Variants in MAGI2 observed in about 807,000 individuals in gnomAD.
The protein encoded by MAGI2 is membrane associated guanylate kinase, WW and PDZ domain containing 2, also known as membrane-associated guanylate kinase, WW and PDZ domain-containing protein 2.
In MAGI2, 35 loss-of-function variants were observed where a neutral mutation model predicts 133.3. The observed-to-expected ratio is 0.26, with a 90% CI of 0.20 to 0.35. MAGI2 has a LOEUF of 0.35. Ranked by LOEUF, MAGI2 falls within the 10% of genes least tolerant of loss-of-function variation. The pLI, the probability that MAGI2 is intolerant of heterozygous loss-of-function variation, is 1.00. For missense variants in MAGI2, 1,636 were observed against 1,863.4 expected, an observed-to-expected ratio of 0.88 and a Z score of 2.25; for synonymous variants, 729 against 710.6, an observed-to-expected ratio of 1.03 and a Z score of -0.41.
At chr7:78,236,081 T>A (rs1455756356) in intron 10 of MAGI2, among the ~76,000 whole-genome samples, 1 of 151,464 alleles carries the variant, frequency 6.6e-6, no homozygotes, top group African/African-American at 2.4e-5. Flanking sequence ...GGATTTACAG[T>A]CATAAAACTA....
At chr7:78,139,042 C>A (rs1352419068) in intron 16 of MAGI2, among the ~76,000 whole-genome samples, 1 of 152,100 alleles carries the variant, frequency 6.6e-6, no homozygotes, top group African/African-American at 2.4e-5. Flanking sequence ...GTTTCAAAGC[C>A]ATTTTAACTT....
intron 12 of MAGI2, among the ~76,000 whole-genome samples, chr7:78,188,628 G>A (rs138254579): frequency 3.0e-3 from 456 of 152,164 alleles, no homozygotes; most frequent in Non-Finnish European, 5.3e-3. Context: ...GAGAACATAC[G>A]TGGGGGGTAC....
intron 2 of MAGI2, among the ~76,000 whole-genome samples, chr7:78,957,233 C>T (rs1365112819): frequency 3.5e-5 from 5 of 142,802 alleles, no homozygotes; most frequent in Non-Finnish European, 6.0e-5. Context: ...CCATTGCACT[C>T]CAGCCTGGGT....
chr7:79,010,467 CAG>C (rs1479655829), intron 1 of MAGI2, among the ~76,000 whole-genome samples: 2 of 152,010 alleles, frequency 1.3e-5, no homozygotes, highest in Non-Finnish European at 2.9e-5. Context: ...CTAAAAAATA[CAG>C]AGTTCTAAAA....
intron 2 of MAGI2, among the ~76,000 whole-genome samples, chr7:78,855,533 C>T (rs1793558679): frequency 6.6e-6 from 1 of 152,108 alleles, no homozygotes; most frequent in Non-Finnish European, 1.5e-5. Context: ...AGATAGTTTG[C>T]TCAGAATGAT....
chr7:79,125,571 C>T, intron 1 of MAGI2: 1 of 506,976 alleles, frequency 2.0e-6, no homozygotes, highest in South Asian at 1.5e-5. Flanking sequence ...ACAGCTGTAT[C>T]AGTGGAGGAG....
intron 1 of MAGI2, among the ~76,000 whole-genome samples, chr7:79,449,824 T>A (rs963385343): frequency 1.4e-5 from 2 of 147,704 alleles, no homozygotes; most frequent in African/African-American, 5.0e-5. Context: ...TAAACAGTTT[T>A]AAAAATTGTT....
In MAGI2 at chr7:78,019,453, C is replaced by T. The variant is rs1365974003; in HGVS notation, c.4230G>A (p.Ala1410=). 2 of 983,132 alleles carry T rather than the reference C, an allele frequency of 2.0e-6. No individual in the cohort carries two copies. The highest frequency in any genetic ancestry group is 1.8e-5 in the African/African-American group (1 of 56,526). The allele number at this position is 983,132 out of a possible 1,614,324, so 60.9% of individuals were successfully genotyped here. A position where few individuals can be genotyped will look rare whatever the true frequency, so the allele number is the denominator to read the frequency against. ...LEAEGRAGAR[A]GPRPGPRPPG... The stretch of plus-strand genomic sequence containing the variant: ...GGGGTCGCGGGCCCGGCCGGGGACC[C>T]GCGCGCGCACCCGCCCTGCCCTCGG... Residue 1410 remains alanine (A), a synonymous_variant, in exon 22 of 22, where the codon GCG becomes GCA. Coordinates refer to ENST00000354212, the MANE Select transcript of MAGI2 (RefSeq NM_012301.4).
chr7:79,095,911 C>T (rs1817470104), intron 1 of MAGI2, among the ~76,000 whole-genome samples: 1 of 152,082 alleles, frequency 6.6e-6, no homozygotes, highest in Non-Finnish European at 1.5e-5. Context: ...TTGCCACAAA[C>T]CTTCAATCTG....
intron 1 of MAGI2, among the ~76,000 whole-genome samples, chr7:79,379,677 C>T (rs1350150192): frequency 6.6e-6 from 1 of 151,926 alleles, no homozygotes; most frequent in Admixed American, 6.6e-5. Context: ...GATGGTATCT[C>T]ATTGTGGTTT....
chr7:79,381,500 G>A (rs934166683), intron 1 of MAGI2, among the ~76,000 whole-genome samples: 5 of 151,686 alleles, frequency 3.3e-5, no homozygotes, highest in Non-Finnish European at 5.9e-5. Flanking sequence ...GGACTAAAAT[G>A]TACCTATCTT....
intron 4 of MAGI2, among the ~76,000 whole-genome samples, chr7:78,517,756 A>G (rs1454880855): frequency 1.3e-5 from 2 of 152,180 alleles, no homozygotes; most frequent in East Asian, 3.8e-4. Flanking sequence ...CTGAAAAATC[A>G]TTATATGGTT....
At chr7:78,466,963 T>A (rs1438203588) in intron 6 of MAGI2, among the ~76,000 whole-genome samples, 1 of 152,102 alleles carries the variant, frequency 6.6e-6, no homozygotes, top group East Asian at 1.9e-4. Flanking sequence ...GGTGATATAC[T>A]TTTCCCAAAT....
chr7:78,338,175 T>C (rs1789973403), intron 9 of MAGI2, among the ~76,000 whole-genome samples: 2 of 152,228 alleles, frequency 1.3e-5, no homozygotes, highest in South Asian at 4.1e-4. Context: ...AGTTCATCTT[T>C]ACCACTTATG....
At chr7:79,028,917 T>G (rs1323098315) in intron 1 of MAGI2, among the ~76,000 whole-genome samples, 1 of 152,188 alleles carries the variant, frequency 6.6e-6, no homozygotes, top group Non-Finnish European at 1.5e-5. Flanking sequence ...TTTTACTGTC[T>G]TTTGATAAAT....
chr7:78,330,132 C>T (rs569751636), intron 9 of MAGI2, among the ~76,000 whole-genome samples: 2 of 151,944 alleles, frequency 1.3e-5, no homozygotes, highest in African/African-American at 4.8e-5. Context: ...CTACCATTTC[C>T]GAGAGATTCC....
At chr7:79,234,315 G>C (rs1339364828) in intron 1 of MAGI2, among the ~76,000 whole-genome samples, 1 of 150,760 alleles carries the variant, frequency 6.6e-6, no homozygotes, top group Non-Finnish European at 1.5e-5. Flanking sequence ...GGCGTTCTCT[G>C]TATTTCCTGA....
At chr7:78,208,155 T>TTTTTTTTTTTTAA (rs1554499970) in intron 10 of MAGI2, among the ~76,000 whole-genome samples, 1 of 145,250 alleles carries the variant, frequency 6.9e-6, no homozygotes. Context: ...TTTTTTTTTT[T>TTTTTTTTTTTTAA]AATATGGGGA....
chr7:78,203,610 A>T (rs1829466911), intron 10 of MAGI2, among the ~76,000 whole-genome samples: 1 of 152,218 alleles, frequency 6.6e-6, no homozygotes, highest in African/African-American at 2.4e-5. Flanking sequence ...TGTGCTGCAG[A>T]AGCTTCAGTC....
Sources: gnomAD v4.1 joint callset for allele counts (sites outside exome capture counted in the v4.1 genomes callset) on GRCh38, gnomAD v4.1.1 for gene constraint, MANE v1.5 for transcripts, NCBI Gene and HGNC (gene_info 2026-07-23, HGNC 2026-07-21) for gene names.